MYO6: variants seen among roughly 807,000 people sequenced by gnomAD.
The protein encoded by MYO6 is myosin VI.
In MYO6, 74 loss-of-function variants were observed where a neutral mutation model predicts 178.7. That is an observed-to-expected ratio of 0.41 (90% confidence interval 0.34 to 0.50). MYO6 has a LOEUF of 0.50. MYO6 is among the 20% of genes least tolerant of loss of function. The pLI, the probability that MYO6 is intolerant of heterozygous loss-of-function variation, is 0.09. For synonymous variants in MYO6, 477 were observed against 504.6 expected (o/e 0.95, Z 0.73); for missense variants, 1,330 against 1,547.4 (o/e 0.86, Z 2.36).
At chr6:75,875,849 A>T (rs1358854138) in intron 20 of MYO6, among the ~76,000 whole-genome samples, 1 of 152,188 alleles carries the variant, frequency 6.6e-6, no homozygotes, top group East Asian at 1.9e-4. Flanking sequence ...ATGCATCCAG[A>T]ATTATCACTC....
intron 1 of MYO6, among the ~76,000 whole-genome samples, chr6:75,789,881 G>T (rs1410332705): frequency 6.6e-6 from 1 of 151,904 alleles, no homozygotes; most frequent in Non-Finnish European, 1.5e-5. Context: ...AACCTCTCCT[G>T]GTCCTCCCCC....
In MYO6 at chr6:75,830,546, G is replaced by A. The variant is rs755411147; in HGVS notation, c.391+1G>A. 3 of 1,610,248 alleles carry A rather than the reference G, an allele frequency of 1.9e-6. No individual in the cohort carries two copies. The Admixed American group carries it at 5.0e-5, about 27-fold the overall frequency. On this transcript the variant is annotated splice_donor_variant, in intron 5 of 34. Transcript: ENST00000369977. LOFTEE classifies it high-confidence loss of function. ...AGACCACCTCATGTCTTTGCAATTG[G>A]TAAGTGATTTTAAATGTATTTTAAT...
chr6:75,914,163 C>A lies in MYO6; in HGVS notation c.3540C>A (p.Asp1180Glu). The A allele has an allele frequency of 6.2e-7, 1 of 1,614,106 alleles. No homozygotes were observed. Among genetic ancestry groups the A allele is most frequent in the Non-Finnish European group, 8.5e-7 (1 of 1,180,018 alleles). ...FFRIPFIRPA[D>E]QYKDPQSKKK... ...GCATCCCATTCATCCGCCCTGCCGA[C>A]CAGTACAAAGACCCTCAGAGTAAGA... The change falls in exon 34 of 35, where the codon GAC (aspartate) becomes GAA (glutamate). Residue 1180 changes from aspartate (D) to glutamate (E), a missense_variant. Physicochemically the swap from Asp to Glu is conservative, Grantham distance 45 (BLOSUM62 2). Around this residue, in one of 3 missense-constraint regions of MYO6, gnomAD observed 601 missense variants for 626.1 expected, o/e 0.96. Coordinates refer to ENST00000369977, the MANE Select transcript of MYO6 (RefSeq NM_004999.4).
At chr6:75,754,320 G>T (rs894816935) in intron 1 of MYO6, among the ~76,000 whole-genome samples, 1 of 151,964 alleles carries the variant, frequency 6.6e-6, no homozygotes, top group East Asian at 1.9e-4. Context: ...CAGGAGTTCA[G>T]ACCAGCCTGG....
chr6:75,835,825 A>G, intron 6 of MYO6, 76 bp from the exon 7 acceptor site: 2 of 818,658 alleles, frequency 2.4e-6, no homozygotes, highest in African/African-American at 1.7e-5. Flanking sequence ...TTTCAGTTTT[A>G]TATGTACTAG....
At chr6:75,859,520 G>T (rs1020722601) in intron 14 of MYO6, among the ~76,000 whole-genome samples, 1 of 151,742 alleles carries the variant, frequency 6.6e-6, no homozygotes, top group Non-Finnish European at 1.5e-5. Context: ...GGCTAGTCTC[G>T]AACTCTTGGC....
At position 75,810,792 on chromosome 6, in the gene MYO6, G is replaced by GT. The variant is rs545107067; in HGVS notation, c.-47-6709_-47-6708insT. Among the ~76,000 whole-genome samples, 30 of 152,332 alleles carry GT rather than the reference G, an allele frequency of 2.0e-4. 1 individual carries two copies. The South Asian group carries it at 6.0e-3, about 31-fold the overall frequency. The stretch of plus-strand genomic sequence containing the variant: ...GAACGGAGTTAAGGCCAAGGTTGAG[G>GT]CCTAGCCTAGTTGAGGAGAGGCCTC... On this transcript the variant is annotated intron_variant, in intron 1 of 34. Coordinates refer to ENST00000369977, the MANE Select transcript of MYO6 (RefSeq NM_004999.4).
chr6:75,821,765 G>C (rs1334826365), intron 2 of MYO6, among the ~76,000 whole-genome samples: 1 of 152,122 alleles, frequency 6.6e-6, no homozygotes, highest in African/African-American at 2.4e-5. Flanking sequence ...GAGAAGTACT[G>C]TATCAGCTTA....
chr6:75,778,895 A>G (rs1430768601), intron 1 of MYO6, among the ~76,000 whole-genome samples: 1 of 151,798 alleles, frequency 6.6e-6, no homozygotes, highest in African/African-American at 2.4e-5. Flanking sequence ...CTACAAAAAA[A>G]CAAATAAAAA....
intron 1 of MYO6, among the ~76,000 whole-genome samples, chr6:75,767,623 G>A (rs1216039085): frequency 1.3e-5 from 2 of 149,040 alleles, no homozygotes; most frequent in Non-Finnish European, 3.0e-5. Flanking sequence ...GGGCTTAAGC[G>A]ATCCTCCCAC....
At chr6:75,834,520 AC>A (rs1773448728) in intron 6 of MYO6, among the ~76,000 whole-genome samples, 1 of 152,200 alleles carries the variant, frequency 6.6e-6, no homozygotes, top group Non-Finnish European at 1.5e-5. Context: ...GGCATGAGCC[AC>A]CATGCCTGGC....
chr6:75,885,413 C>G (rs1778349651), intron 23 of MYO6, among the ~76,000 whole-genome samples: 1 of 151,416 alleles, frequency 6.6e-6, no homozygotes, highest in African/African-American at 2.4e-5. Context: ...TGCCTGTAGT[C>G]CCACCTCACC....
rs1323385493 is a variant in MYO6 at position 75,915,783 on chromosome 6, T to C, written c.*771T>C. On this transcript the variant is annotated 3_prime_UTR_variant, in exon 35 of 35. Coordinates refer to ENST00000369977, the MANE Select transcript of MYO6 (RefSeq NM_004999.4). ...AGTTTTGAGATAAGTTTTGTTTCAA[T>C]TAGAAAAGGAAATAGGTTTTAGGTG... is the stretch of plus-strand genomic sequence containing the variant. 5 of 152,644 alleles carry C rather than the reference T, an allele frequency of 3.3e-5. No homozygotes were observed. The highest frequency in any genetic ancestry group is 7.3e-5 in the Non-Finnish European group (5 of 68,038). The allele number at this position is 152,644 out of a possible 1,614,324, so 9.5% of individuals were successfully genotyped here.
chr6:75,818,008 A>G (rs1771458938), intron 2 of MYO6, among the ~76,000 whole-genome samples: 1 of 152,186 alleles, frequency 6.6e-6, no homozygotes, highest in Non-Finnish European at 1.5e-5. Context: ...CCACATTACT[A>G]AAGTTATTAG....
At chr6:75,862,945 T>C (rs1012480930) in intron 16 of MYO6, among the ~76,000 whole-genome samples, 1 of 152,178 alleles carries the variant, frequency 6.6e-6, no homozygotes, top group African/African-American at 2.4e-5. Flanking sequence ...ACATTTCACC[T>C]GTCTAATACG....
At chr6:75,751,908 C>G (rs547790467) in intron 1 of MYO6, among the ~76,000 whole-genome samples, 1 of 151,940 alleles carries the variant, frequency 6.6e-6, no homozygotes, top group Non-Finnish European at 1.5e-5. Context: ...GTTTACTAAC[C>G]TCTGTGTAGT....
At position 75,756,897 on chromosome 6, in the gene MYO6, A is replaced by G. The variant is rs1201367844; in HGVS notation, c.-48+7474A>G. Among the ~76,000 whole-genome samples the G allele has an allele frequency of 4.4e-5, 4 of 90,656 alleles. 1 individual carries two copies. Among genetic ancestry groups the G allele is most frequent in the Non-Finnish European group, 8.7e-5 (3 of 34,636 alleles). The allele number at this position is 90,656 out of a possible 152,430, so 59.5% of individuals were successfully genotyped here. A position where few individuals can be genotyped will look rare whatever the true frequency, so the allele number is the denominator to read the frequency against. On this transcript the variant is annotated intron_variant, in intron 1 of 34. Transcript: ENST00000369977. ...GTACTTATGTGTGTTGTGTGTGTATATATATATATATATACACATATATAT... is the reference window on the plus strand; with the variant it reads ...GTACTTATGTGTGTTGTGTGTGTATGTATATATATATATACACATATATAT...
chr6:75,781,982 C>T (rs547357647), intron 1 of MYO6, among the ~76,000 whole-genome samples: 8 of 147,248 alleles, frequency 5.4e-5, no homozygotes, highest in Middle Eastern at 3.6e-3. Flanking sequence ...ACCTAAACCA[C>T]GTGTGGACAG....
intron 1 of MYO6, among the ~76,000 whole-genome samples, chr6:75,800,235 A>G (rs1769309352): frequency 6.6e-6 from 1 of 152,160 alleles, no homozygotes; most frequent in South Asian, 2.1e-4. Flanking sequence ...CAAAATTGGT[A>G]TGCGGCTGAA....
Sources: allele counts gnomAD v4.1 joint callset (sites outside exome capture counted in the v4.1 genomes callset), GRCh38; gene constraint gnomAD v4.1.1; regional missense constraint gnomAD v4.1.1; transcripts MANE v1.5; gene names NCBI Gene and HGNC (gene_info 2026-07-23, HGNC 2026-07-21).